Variants in ZNF536 observed in about 807,000 individuals in gnomAD.
The protein encoded by ZNF536 is zinc finger protein 536.
In ZNF536, 13 loss-of-function variants were observed where a neutral mutation model predicts 84.5. The ratio of observed to expected loss-of-function variants is 0.15; its 90% CI spans 0.10 to 0.24. The LOEUF (loss-of-function observed/expected upper bound fraction) is 0.24, where lower values mean the gene tolerates loss of function less well. Among genes scored for constraint, ZNF536 ranks in the 10% least tolerant of loss-of-function variants. ZNF536 has a pLI of 1.00. For synonymous variants in ZNF536, 811 were observed against 742.5 expected, an observed-to-expected ratio of 1.09 and a Z score of -1.50; for missense variants, 1,536 against 1,747.5, an observed-to-expected ratio of 0.88 and a Z score of 2.16.
At chr19:30,530,486 A>G (rs1014904085) in intron 2 of ZNF536, among the ~76,000 whole-genome samples, 2 of 152,268 alleles carry the variant, frequency 1.3e-5, no homozygotes, top group Non-Finnish European at 2.9e-5. Context: ...AGCTGGGATT[A>G]CAGGCACGCA....
chr19:30,600,794 C>A (rs184890941), intron 1 of ZNF536, among the ~76,000 whole-genome samples: 63 of 152,328 alleles, frequency 4.1e-4, no homozygotes, highest in African/African-American at 1.5e-3. Context: ...AGCATCAGCC[C>A]TTTGCAGAGA....
intron 1 of ZNF536, among the ~76,000 whole-genome samples, chr19:30,421,596 C>T (rs914459065): frequency 6.6e-6 from 1 of 152,190 alleles, no homozygotes; most frequent in Non-Finnish European, 1.5e-5. Context: ...TGCCTGGACT[C>T]AAGTGATCCT....
chr19:30,490,568 TTAGA>T (rs1428193707), intron 2 of ZNF536, among the ~76,000 whole-genome samples: 2 of 152,076 alleles, frequency 1.3e-5, no homozygotes, highest in Admixed American at 1.3e-4. Context: ...CGTTCACCAC[TTAGA>T]TAAAGAAACT....
intron 1 of ZNF536, among the ~76,000 whole-genome samples, chr19:30,231,048 C>G (rs572438921): frequency 6.6e-6 from 1 of 151,452 alleles, no homozygotes; most frequent in African/African-American, 2.4e-5. Context: ...TGAATGAGGA[C>G]AATTATAGCT....
chr19:30,526,613 A>G (rs2044590923), intron 2 of ZNF536, among the ~76,000 whole-genome samples: 1 of 142,986 alleles, frequency 7.0e-6, no homozygotes, highest in South Asian at 2.2e-4. Flanking sequence ...AGTCCCAGCT[A>G]CTTGGGAGGC....
chr19:30,268,612 A>G (rs888874303), intron 1 of ZNF536, among the ~76,000 whole-genome samples: 12 of 152,106 alleles, frequency 7.9e-5, no homozygotes, highest in African/African-American at 2.7e-4. Context: ...TTCTCCTACA[A>G]ACGAGCTTTC....
chr19:30,382,365 C>A (rs758619562), intron 1 of ZNF536, among the ~76,000 whole-genome samples: 4 of 152,140 alleles, frequency 2.6e-5, no homozygotes, highest in African/African-American at 4.8e-5. Context: ...GCCTCCCGTG[C>A]TTTTTCTCCA....
At chr19:30,664,203 TTTCTCTCTCTCTCTCTCTCTCTCTCTCTC>T (rs1188975343) in intron 1 of ZNF536, among the ~76,000 whole-genome samples, 5 of 88,708 alleles carry the variant, frequency 5.6e-5, no homozygotes, top group Non-Finnish European at 1.0e-4. Flanking sequence ...CTTGCTGAGT[TTTCTCTCTCTCTCTCTCTCTCTCTCTCTC>T]TCTCTCTCTC....
At chr19:30,396,539 G>A (rs1171676603) in intron 1 of ZNF536, among the ~76,000 whole-genome samples, 3 of 151,752 alleles carry the variant, frequency 2.0e-5, no homozygotes, top group Non-Finnish European at 4.4e-5. Context: ...CTAAGGACAG[G>A]AGGAGCTTTC....
chr19:30,520,040 G>T lies in ZNF536; in HGVS notation c.2171-14807G>T, dbSNP rs1599670677. 2.0e-5 allele frequency among the ~76,000 whole-genome samples: 3 copies of T among 152,340 alleles called. 1 individual carries two copies. The highest frequency in any genetic ancestry group is 4.4e-5 in the Non-Finnish European group (3 of 68,034). ...AACATGAGTGGGATTAACCAGGCAA[G>T]ATGCAGGTGGTGGGCCTGGGGCTGG... On this transcript the variant is annotated intron_variant, in intron 2 of 4. Transcript: ENST00000355537.
chr19:30,443,917 G>T lies in ZNF536; in HGVS notation c.355G>T (p.Asp119Tyr), dbSNP rs751825343. The T allele has an allele frequency of 6.2e-7, 1 of 1,613,650 alleles. No individual in the cohort carries two copies. Among genetic ancestry groups the T allele is most frequent in the South Asian group, 1.1e-5 (1 of 91,082 alleles). The change falls in exon 2 of 5, where the codon GAC becomes TAC. Residue 119 changes from aspartate to tyrosine, a missense_variant. Physicochemically the swap from Asp to Tyr is radical, Grantham distance 160 (BLOSUM62 -3). Transcript: ENST00000355537. ...CCTGGGCATCATGTCCCAGATGAGC[G>T]ACATCGAGGACGACGCCCGCAAGAA... is the stretch of plus-strand genomic sequence containing the variant. ...QNLGIMSQMS[D>Y]IEDDARKNRK...
intron 1 of ZNF536, among the ~76,000 whole-genome samples, chr19:30,683,971 T>C (rs1323351876): frequency 6.6e-6 from 1 of 152,330 alleles, no homozygotes; most frequent in East Asian, 1.9e-4. Flanking sequence ...TTTTGATACA[T>C]TAAGACAAGC....
intron 1 of ZNF536, among the ~76,000 whole-genome samples, chr19:30,593,624 T>C (rs1302572303): frequency 6.6e-6 from 1 of 152,246 alleles, no homozygotes; most frequent in African/African-American, 2.4e-5. Context: ...TGACCCCACC[T>C]GGCAAGAGTC....
At chr19:30,636,518 T>G (rs2049070923) in intron 1 of ZNF536, among the ~76,000 whole-genome samples, 1 of 152,250 alleles carries the variant, frequency 6.6e-6, no homozygotes, top group Non-Finnish European at 1.5e-5. Context: ...ATCATCTTTA[T>G]GTTTAAAGAG....
At chr19:30,611,409 T>G (rs184886435) in intron 1 of ZNF536, among the ~76,000 whole-genome samples, 1 of 152,288 alleles carries the variant, frequency 6.6e-6, no homozygotes, top group Non-Finnish European at 1.5e-5. Context: ...TACTCCTTAT[T>G]ATATTGCATT....
intron 3 of ZNF536, among the ~76,000 whole-genome samples, chr19:30,545,383 G>GTTT (rs2045503833): frequency 1.2e-5 from 1 of 85,224 alleles, no homozygotes; most frequent in African/African-American, 4.5e-5. Flanking sequence ...GCTCCCATAT[G>GTTT]TCTTTTTTTT....
At chr19:30,629,427 C>T (rs1380290571) in intron 1 of ZNF536, among the ~76,000 whole-genome samples, 1 of 152,066 alleles carries the variant, frequency 6.6e-6, no homozygotes, top group African/African-American at 2.4e-5. Context: ...AACTCTTGGG[C>T]TCCAGCCATT....
intron 2 of ZNF536, among the ~76,000 whole-genome samples, chr19:30,446,248 CAAAAAAAAA>C (rs1177505634): frequency 1.7e-4 from 5 of 29,178 alleles, no homozygotes; most frequent in South Asian, 2.5e-3. Flanking sequence ...GACACTGTCT[CAAAAAAAAA>C]AAAAAAAAAA....
At chr19:30,598,959 T>TC (rs2047565194) in intron 1 of ZNF536, among the ~76,000 whole-genome samples, 1 of 52,394 alleles carries the variant, frequency 1.9e-5, no homozygotes, top group African/African-American at 5.2e-5. Context: ...CTTCCTTCCT[T>TC]CCTCCTTCCC....
Sources: gnomAD v4.1 joint callset for allele counts (sites outside exome capture counted in the v4.1 genomes callset) on GRCh38, gnomAD v4.1.1 for gene constraint, MANE v1.5 for transcripts, NCBI Gene and HGNC (gene_info 2026-07-23, HGNC 2026-07-21) for gene names.